ZFPM1: variants seen among roughly 807,000 people sequenced by gnomAD.
The protein encoded by ZFPM1 is zinc finger protein, FOG family member 1, also known as zinc finger protein ZFPM1.
In ZFPM1, 28 loss-of-function variants were observed where a neutral mutation model predicts 46.3. The observed-to-expected ratio is 0.60, with a 90% CI of 0.45 to 0.83. The LOEUF (loss-of-function observed/expected upper bound fraction) is 0.83. Among genes scored for constraint, ZFPM1 ranks in the 40% least tolerant of loss-of-function variants. ZFPM1 has a pLI of 0.00. For missense variants in ZFPM1, 1,878 were observed against 1,432.4 expected (o/e 1.31, Z -5.02); for synonymous variants, 957 against 675.9 (o/e 1.42, Z -6.45).
rs114043106 is a variant in ZFPM1 at position 88,521,832 on chromosome 16, C to T, written c.403-4982C>T. Among the ~76,000 whole-genome samples, 658 of 148,422 alleles carry T rather than the reference C, an allele frequency of 4.4e-3. 10 individuals are homozygous for T. Among genetic ancestry groups the T allele is most frequent in the African/African-American group, 0.016 (625 of 39,902 alleles). On this transcript the variant is annotated intron_variant, in intron 4 of 9. Coordinates refer to ENST00000319555, the MANE Select transcript of ZFPM1 (RefSeq NM_153813.3). ...GTTCCCTCCCCTGTGCTGTTCCCTC[C>T]CCTATGCTGTTCCCTCTCCATGCTG...
chr16:88,529,736 G>T (rs1197097726), intron 6 of ZFPM1, among the ~76,000 whole-genome samples: 1 of 152,208 alleles, frequency 6.6e-6, no homozygotes, highest in Non-Finnish European at 1.5e-5. Flanking sequence ...GCAGAGAAAT[G>T]ACTACTGGTC....
chr16:88,528,275 C>G, intron 6 of ZFPM1, 37 bp downstream of exon 6: 1 of 1,552,812 alleles, frequency 6.4e-7, no homozygotes, highest in East Asian at 2.3e-5. Context: ...GGCGGCTGCT[C>G]CACCAAGGAG....
chr16:88,454,414 G>A (rs913506201), intron 1 of ZFPM1, among the ~76,000 whole-genome samples: 2 of 152,224 alleles, frequency 1.3e-5, no homozygotes, highest in Non-Finnish European at 2.9e-5. Context: ...AGCCAAGGCG[G>A]CATGGGCAAC....
At chr16:88,501,764 GATA>G (rs1212799025) in intron 3 of ZFPM1, among the ~76,000 whole-genome samples, 2 of 151,742 alleles carry the variant, frequency 1.3e-5, no homozygotes, top group African/African-American at 2.4e-5. Context: ...TGGTGCTGAT[GATA>G]ATGGAGATAG....
At chr16:88,498,693 G>A (rs79750369) in intron 3 of ZFPM1, among the ~76,000 whole-genome samples, 7,319 of 152,326 alleles carry the variant, frequency 0.048, 233 homozygotes, top group South Asian at 0.11. Flanking sequence ...TCCCGGAGCC[G>A]GGGGCACCCC....
intron 1 of ZFPM1, among the ~76,000 whole-genome samples, chr16:88,482,681 C>T (rs745816574): frequency 6.6e-6 from 1 of 152,206 alleles, no homozygotes; most frequent in Non-Finnish European, 1.5e-5. Context: ...TCCCTGAAGG[C>T]AGGTGGCCTC....
chr16:88,511,390 G>A lies in ZFPM1; in HGVS notation c.269-2997G>A, dbSNP rs191823238. Reference sequence around the variant, plus strand: ...CCGGGCCCCAGGCTTCCTGGTGGTGGGGTTGGGTGCTGACCATCTCCATGG... The same window carrying A: ...CCGGGCCCCAGGCTTCCTGGTGGTGAGGTTGGGTGCTGACCATCTCCATGG... On this transcript the variant is annotated intron_variant, in intron 3 of 9. Coordinates refer to ENST00000319555, the MANE Select transcript of ZFPM1 (RefSeq NM_153813.3). Among the ~76,000 whole-genome samples the A allele has an allele frequency of 1.8e-4, 28 of 152,242 alleles. No individual in the cohort carries two copies. In the East Asian group the frequency reaches 4.4e-3, roughly 24 times the overall value.
chr16:88,500,488 C>G (rs192344801), intron 3 of ZFPM1, among the ~76,000 whole-genome samples: 1 of 152,278 alleles, frequency 6.6e-6, no homozygotes, highest in Non-Finnish European at 1.5e-5. Context: ...GTGACTGTCA[C>G]TAGCACAGAA....
At position 88,534,106 on chromosome 16, in the gene ZFPM1, A is replaced by G. The variant is rs1255265267; in HGVS notation, c.2148A>G (p.Arg716=). Residue 716 remains arginine, a synonymous_variant, in exon 10 of 10, where the codon CGA becomes CGG. Coordinates refer to ENST00000319555, the MANE Select transcript of ZFPM1 (RefSeq NM_153813.3). ...CASRHDPPPR[R]PAAPPGPPGP... Reference sequence around the variant, plus strand: ...CGCGCCACGACCCGCCGCCGCGCCGACCGGCCGCGCCCCCGGGACCCCCTG... The same window carrying G: ...CGCGCCACGACCCGCCGCCGCGCCGGCCGGCCGCGCCCCCGGGACCCCCTG... 3 of 1,137,592 alleles carry G rather than the reference A, an allele frequency of 2.6e-6. No homozygotes were observed. Among genetic ancestry groups the G allele is most frequent in the South Asian group, 1.7e-5 (1 of 58,018 alleles). The allele number at this position is 1,137,592 out of a possible 1,614,324, so 70.5% of individuals were successfully genotyped here.
At chr16:88,513,331 C>T (rs1345438133) in intron 3 of ZFPM1, 1 of 152,300 alleles carries the variant, frequency 6.6e-6, no homozygotes, top group Non-Finnish European at 1.5e-5. Flanking sequence ...CCAGTTAAAA[C>T]GTTTTAGCAG....
At chr16:88,462,575 G>C (rs1001123152) in intron 1 of ZFPM1, among the ~76,000 whole-genome samples, 1 of 152,218 alleles carries the variant, frequency 6.6e-6, no homozygotes. Context: ...CTCCTGGACT[G>C]TCAGGGGTGT....
intron 4 of ZFPM1, among the ~76,000 whole-genome samples, chr16:88,519,655 GTGGA>G (rs1911664953): frequency 7.8e-6 from 1 of 128,528 alleles, no homozygotes; most frequent in Admixed American, 7.8e-5. Flanking sequence ...TGATGGATAG[GTGGA>G]TGGATGGATG....
intron 1 of ZFPM1, among the ~76,000 whole-genome samples, chr16:88,481,724 C>G (rs1263092413): frequency 6.6e-6 from 1 of 152,086 alleles, no homozygotes; most frequent in East Asian, 1.9e-4. Context: ...TCTGTGTGGG[C>G]TGCCACCCTC....
intron 1 of ZFPM1, among the ~76,000 whole-genome samples, chr16:88,475,174 C>A (rs1256945613): frequency 4.6e-5 from 7 of 152,240 alleles, no homozygotes; most frequent in Non-Finnish European, 2.9e-5. Flanking sequence ...CCGATGCCAG[C>A]CCTGCACCAG....
intron 1 of ZFPM1, among the ~76,000 whole-genome samples, chr16:88,470,838 G>A (rs1265455647): frequency 1.3e-5 from 2 of 150,036 alleles, no homozygotes; most frequent in African/African-American, 4.9e-5. Context: ...ACGGTGTGGA[G>A]GGCCGGGTGG....
At chr16:88,487,598 C>T (rs1909304702) in intron 2 of ZFPM1, among the ~76,000 whole-genome samples, 1 of 152,138 alleles carries the variant, frequency 6.6e-6, no homozygotes, top group African/African-American at 2.4e-5. Context: ...CCAGGCAGAC[C>T]TTGGTCCCTG....
chr16:88,477,334 T>C (rs1908734848), intron 1 of ZFPM1, among the ~76,000 whole-genome samples: 1 of 152,246 alleles, frequency 6.6e-6, no homozygotes, highest in Admixed American at 6.5e-5. Context: ...TTTCAGACTC[T>C]TGAAGAGAAG....
intron 1 of ZFPM1, among the ~76,000 whole-genome samples, chr16:88,454,381 C>G (rs1469060801): frequency 6.6e-6 from 1 of 152,250 alleles, no homozygotes; most frequent in African/African-American, 2.4e-5. Context: ...CTGGTGACAC[C>G]TCCTGGACCC....
intron 4 of ZFPM1, among the ~76,000 whole-genome samples, chr16:88,525,860 T>C (rs1912272994): frequency 6.6e-6 from 1 of 152,100 alleles, no homozygotes. Context: ...CGGGGTGCAA[T>C]GGATGCAGGA....
Sources: allele counts gnomAD v4.1 joint callset (sites outside exome capture counted in the v4.1 genomes callset), GRCh38; gene constraint gnomAD v4.1.1; transcripts MANE v1.5; gene names NCBI Gene and HGNC (gene_info 2026-07-23, HGNC 2026-07-21).